OSGIN1: variants seen among roughly 807,000 people sequenced by gnomAD.
OSGIN1 encodes the protein oxidative stress-induced growth inhibitor 1.
A neutral mutation model predicts 20.1 loss-of-function variants in OSGIN1; 19 were observed. The observed-to-expected ratio is 0.95, with a 90% CI of 0.66 to 1.39. The LOEUF (loss-of-function observed/expected upper bound fraction) is 1.39, where lower values mean the gene tolerates loss of function less well. OSGIN1 is among the 40% of genes most tolerant of loss of function. The probability of loss-of-function intolerance (pLI) is 0.00; values close to 1 mark genes in which losing one functional copy is unlikely to be tolerated. For missense variants in OSGIN1, 820 were observed against 653.0 expected, an observed-to-expected ratio of 1.26 and a Z score of -2.79; for synonymous variants, 368 against 297.8, an observed-to-expected ratio of 1.24 and a Z score of -2.43.
Position 83,956,294 on chromosome 16 carries a change from C to G in OSGIN1, c.-32-1346C>G, listed in dbSNP as rs557166060. The stretch of plus-strand genomic sequence containing the variant: ...ATCAGAGGCCACACACTGGTCTCAG[C>G]TGTGTTTGGTTGGCCTTTTAAGCAT... On this transcript the variant is annotated intron_variant, in intron 1 of 5. Transcript: ENST00000393306. 1.0e-3 allele frequency among the ~76,000 whole-genome samples: 155 copies of G among 152,378 alleles called. 2 individuals are homozygous for G. In the South Asian group the frequency reaches 0.031, roughly 30 times the overall value.
chr16:83,954,819 T>C (rs2550439), intron 1 of OSGIN1: 592,674 of 840,508 alleles, frequency 0.71, 209,937 homozygotes, highest in Admixed American at 0.8. Context: ...TGATTCCTCA[T>C]TGGCCAGCAG....
At position 83,953,299 on chromosome 16, in the gene OSGIN1, T is replaced by C. The variant is rs62640908; in HGVS notation, c.-104T>C. 600 of 1,288,684 alleles carry C rather than the reference T, an allele frequency of 4.7e-4. 4 individuals are homozygous for C. In the African/African-American group the frequency reaches 8.5e-3, roughly 18 times the overall value. 79.8% of individuals were successfully genotyped at this position (1,288,684 alleles called of 1,614,324 possible). A position where few individuals can be genotyped will look rare whatever the true frequency, so the allele number is the denominator to read the frequency against. On this transcript the variant is annotated 5_prime_UTR_variant, in exon 1 of 6. Transcript: ENST00000393306. Reference sequence around the variant, plus strand: ...CCCGATCTCGCGGGGGACTCTGTGATCCGTGTTCCCCTGACCCTCCTAGTG... The same window carrying C: ...CCCGATCTCGCGGGGGACTCTGTGACCCGTGTTCCCCTGACCCTCCTAGTG...
chr16:83,961,105 G>T, intron 5 of OSGIN1, 33 bp downstream of exon 5: 5 of 1,534,624 alleles, frequency 3.3e-6, no homozygotes, highest in Non-Finnish European at 4.5e-6. Context: ...TGGGGGACAC[G>T]GAAGGTTGGG....
Position 83,959,291 on chromosome 16 carries a change from C to A in OSGIN1, c.99C>A (p.Tyr33Ter). Residue 33 changes from tyrosine to a stop codon, truncating the protein, a stop_gained, in exon 3 of 6, where the codon TAC (tyrosine) becomes TAA (stop). Transcript: ENST00000393306. LOFTEE classifies it high-confidence loss of function. Reference sequence around the variant, plus strand: ...GCCCCTCTGGTATCTGCCTGTCCTACCTGCTCTCCGGCTACACACCCTACA... The same window carrying A: ...GCCCCTCTGGTATCTGCCTGTCCTAACTGCTCTCCGGCTACACACCCTACA... Reference protein sequence around the residue: ...GNGPSGICLSYLLSGYTPYTK... With the variant: ...GNGPSGICLS 6.2e-7 allele frequency: 1 copy of A among 1,613,732 alleles called. No homozygotes were observed. The highest frequency in any genetic ancestry group is 1.1e-5 in the South Asian group (1 of 91,066).
intron 5 of OSGIN1, among the ~76,000 whole-genome samples, chr16:83,962,942 G>C (rs538704755): frequency 1.3e-5 from 2 of 152,240 alleles, no homozygotes; most frequent in Admixed American, 1.3e-4. Context: ...AGATTGATTT[G>C]CCTCTCACAG....
chr16:83,960,525 C>T (rs372467206), intron 3 of OSGIN1, 44 bp from the exon 4 acceptor site: 7 of 1,526,956 alleles, frequency 4.6e-6, no homozygotes, highest in African/African-American at 4.1e-5. Flanking sequence ...GGAAGACGAC[C>T]CCGCCCTCCT....
rs1909102907 is a variant in OSGIN1, at chr16:83,959,481, T to C, written c.204+85T>C. The C allele has an allele frequency of 3.1e-6, 4 of 1,310,406 alleles. No individual in the cohort carries two copies. The South Asian group carries it at 4.2e-5, about 14-fold the overall frequency. 81.2% of individuals were successfully genotyped at this position (1,310,406 alleles called of 1,614,324 possible). ...CCGCTTTCCCAGGGAAAAACAAAAG[T>C]GTGTGTTTGCTGGAAACAAGACTAA... On this transcript the variant is annotated intron_variant, in intron 3 of 5. Coordinates refer to ENST00000393306, the MANE Select transcript of OSGIN1 (RefSeq NM_182981.3).
chr16:83,957,522 GA>G, intron 1 of OSGIN1, 117 bp from the exon 2 acceptor site: 1 of 641,032 alleles, frequency 1.6e-6, no homozygotes, highest in South Asian at 1.7e-5. Context: ...GTCTCATGGG[GA>G]CCCCGGACCA....
rs756894922 is a variant in OSGIN1 at position 83,965,842 on chromosome 16, G to A, written c.1269G>A (p.Lys423=). ...AVDPDQPLSA[K]RNPIDVDPFT... The stretch of plus-strand genomic sequence containing the variant: ...ATCCTGACCAGCCGCTGAGCGCCAA[G>A]AGGAACCCCATTGACGTGGACCCCT... The change falls in exon 6 of 6, where the codon AAG becomes AAA. Residue 423 remains lysine, a synonymous_variant. Coordinates refer to ENST00000393306, the MANE Select transcript of OSGIN1 (RefSeq NM_182981.3). 1.1e-5 allele frequency: 17 copies of A among 1,612,948 alleles called. No individual in the cohort carries two copies. Among genetic ancestry groups the A allele is most frequent in the African/African-American group, 1.3e-5 (1 of 74,938 alleles).
intron 1 of OSGIN1, chr16:83,954,783 A>G (rs998989072): frequency 3.1e-6 from 3 of 981,786 alleles, no homozygotes; most frequent in Admixed American, 6.1e-5. Flanking sequence ...TGCTGCCTGC[A>G]AAGGGTGGGA....
chr16:83,960,725 G>C lies in OSGIN1; in HGVS notation c.361G>C (p.Val121Leu). 1 of 1,613,406 alleles carries C rather than the reference G, an allele frequency of 6.2e-7. No homozygotes were observed. Among genetic ancestry groups the C allele is most frequent in the East Asian group, 2.2e-5 (1 of 44,880 alleles). Residue 121 changes from valine (V) to leucine (L), a missense_variant, in exon 4 of 6, where the codon GTT becomes CTT. Coordinates refer to ENST00000393306, the MANE Select transcript of OSGIN1 (RefSeq NM_182981.3). ...GAAGGAGCACGCCATCCCCCACGTG[G>C]TTCTGGGCCGGAACCTCCCCGGGGG... Reference protein sequence around the residue: ...HRKEHAIPHVVLGRNLPGGAW... With the variant: ...HRKEHAIPHVLLGRNLPGGAW...
intron 1 of OSGIN1, chr16:83,954,138 C>T (rs1475624703): frequency 1.3e-5 from 2 of 152,312 alleles, no homozygotes; most frequent in Non-Finnish European, 2.9e-5. Flanking sequence ...ACGCCCACTC[C>T]TCCTGACCAG....
chr16:83,957,782 C>A, intron 2 of OSGIN1, 44 bp downstream of exon 2: 1 of 1,157,540 alleles, frequency 8.6e-7, no homozygotes, highest in Middle Eastern at 2.0e-4. Flanking sequence ...GCTGAGCCTT[C>A]CGGGTACCCC....
At chr16:83,959,197 C>G (rs985699473) in intron 2 of OSGIN1, 63 bp from the exon 3 acceptor site, 71 of 1,199,798 alleles carry the variant, frequency 5.9e-5, no homozygotes, top group Non-Finnish European at 8.0e-5. Flanking sequence ...GATCAAAGCC[C>G]TCCACAGTAG....
At chr16:83,964,999 T>TG in intron 5 of OSGIN1, 63 bp from the exon 6 acceptor site, 106 of 645,716 alleles carry the variant, frequency 1.6e-4, no homozygotes, top group Middle Eastern at 3.0e-4. Context: ...ACATCTCCCG[T>TG]CCCACCCAGC....
rs1231685341 is a variant in OSGIN1, at chr16:83,953,241, G to A, written c.-162G>A. The stretch of plus-strand genomic sequence containing the variant: ...ACCCTCACTTCCCTCTGGCCTCTCA[G>A]AGCCTCTTGGATCCCCACAGGGTAA... On this transcript the variant is annotated 5_prime_UTR_variant, in exon 1 of 6. Coordinates refer to ENST00000393306, the MANE Select transcript of OSGIN1 (RefSeq NM_182981.3). 3.9e-6 allele frequency: 5 copies of A among 1,283,462 alleles called. No individual in the cohort carries two copies. Among genetic ancestry groups the A allele is most frequent in the Non-Finnish European group, 4.1e-6 (4 of 985,084 alleles). 79.5% of individuals were successfully genotyped at this position (1,283,462 alleles called of 1,614,324 possible).
Position 83,953,456 on chromosome 16 carries a change from C to T in OSGIN1, c.-33+86C>T, listed in dbSNP as rs373391954. On this transcript the variant is annotated intron_variant, in intron 1 of 5. Coordinates refer to ENST00000393306, the MANE Select transcript of OSGIN1 (RefSeq NM_182981.3). ...AAGCCCAGCTGGACCGGAGGGTCTG[C>T]AGAGCCCTGGCGCCAGGCGGGGGTC... The T allele has an allele frequency of 6.7e-6, 8 of 1,201,100 alleles. No individual in the cohort carries two copies. In the Admixed American group the frequency reaches 7.3e-5, roughly 11 times the overall value. The allele number at this position is 1,201,100 out of a possible 1,614,324, so 74.4% of individuals were successfully genotyped here.
intron 5 of OSGIN1, among the ~76,000 whole-genome samples, chr16:83,962,493 G>A (rs182946734): frequency 2.6e-5 from 4 of 152,234 alleles, no homozygotes; most frequent in South Asian, 4.1e-4. Flanking sequence ...CGCCCACCTC[G>A]GCCTCCCAAA....
intron 1 of OSGIN1, chr16:83,954,746 A>G: frequency 1.0e-6 from 1 of 985,038 alleles, no homozygotes; most frequent in South Asian, 4.7e-5. Flanking sequence ...TGGAGCCCCA[A>G]AGCCCTGGTG....
Sources: gnomAD v4.1 joint callset for allele counts (sites outside exome capture counted in the v4.1 genomes callset) on GRCh38, gnomAD v4.1.1 for gene constraint, MANE v1.5 for transcripts, NCBI Gene and HGNC (gene_info 2026-07-23, HGNC 2026-07-21) for gene names.